Variants in GLIS3 observed in about 807,000 individuals in gnomAD.
GLIS3 encodes the protein GLIS family zinc finger 3, also known as zinc finger protein GLIS3.
A neutral mutation model predicts 78.6 loss-of-function variants in GLIS3; 53 were observed. The observed-to-expected ratio is 0.67, with a 90% CI of 0.54 to 0.85. GLIS3 has a LOEUF of 0.85. Among genes scored for constraint, GLIS3 ranks in the 40% least tolerant of loss-of-function variants. The probability of loss-of-function intolerance (pLI) is 0.00; values close to 1 mark genes in which losing one functional copy is unlikely to be tolerated. For synonymous variants in GLIS3, 684 were observed against 509.9 expected (o/e 1.34, Z -4.60); for missense variants, 1,703 against 1,231.1 (o/e 1.38, Z -5.74).
chr9:4,092,104 A>C (rs1255907377), intron 4 of GLIS3, among the ~76,000 whole-genome samples: 1 of 151,116 alleles, frequency 6.6e-6, no homozygotes, highest in Non-Finnish European at 1.5e-5. Context: ...TCTATTAAAA[A>C]TTTTTCTTTC....
intron 2 of GLIS3, among the ~76,000 whole-genome samples, chr9:4,218,082 T>C (rs887746540): frequency 6.6e-6 from 1 of 152,138 alleles, no homozygotes; most frequent in African/African-American, 2.4e-5. Context: ...ACAAACCCAA[T>C]CCTGTTCCTC....
the GLIS3 span, among the ~76,000 whole-genome samples, chr9:4,421,925 G>A: frequency 6.2e-4 from 95 of 152,264 alleles, no homozygotes; most frequent in African/African-American, 2.2e-3. Flanking sequence ...ACAATCAGAT[G>A]TTTATTTTCA....
chr9:4,245,724 A>G (rs756902569), intron 2 of GLIS3, among the ~76,000 whole-genome samples: 1 of 152,208 alleles, frequency 6.6e-6, no homozygotes, highest in Non-Finnish European at 1.5e-5. Context: ...ATCATTACAC[A>G]TTATATACAG....
chr9:4,057,709 G>GAA (rs35253627), intron 4 of GLIS3, among the ~76,000 whole-genome samples: 8 of 151,158 alleles, frequency 5.3e-5, no homozygotes, highest in East Asian at 1.9e-4. Flanking sequence ...ATGCAGCTAG[G>GAA]AAAAAAAAAT....
At chr9:3,837,733 TAG>T (rs1352389843) in intron 9 of GLIS3, among the ~76,000 whole-genome samples, 1 of 152,178 alleles carries the variant, frequency 6.6e-6, no homozygotes, top group Non-Finnish European at 1.5e-5. Context: ...GGCAAAATTA[TAG>T]AGACAGTATA....
At chr9:4,272,240 G>C (rs921158665) in intron 2 of GLIS3, among the ~76,000 whole-genome samples, 1 of 152,122 alleles carries the variant, frequency 6.6e-6, no homozygotes, top group African/African-American at 2.4e-5. Context: ...CAATTTAGTT[G>C]GCAGTGGTTT....
At position 4,062,320 on chromosome 9, in the gene GLIS3, T is replaced by C. The variant is rs565513610; in HGVS notation, c.1710+55448A>G. Among the ~76,000 whole-genome samples, 5 of 152,248 alleles carry C rather than the reference T, an allele frequency of 3.3e-5. No individual in the cohort carries two copies. In the South Asian group the frequency reaches 1.0e-3, roughly 32 times the overall value. ...GACTGTCAGTTTCCCATATTGAAAATACTGGTGGGATTGGGAGAGAGGTGG... is the reference window on the plus strand; with the variant it reads ...GACTGTCAGTTTCCCATATTGAAAACACTGGTGGGATTGGGAGAGAGGTGG... On this transcript the variant is annotated intron_variant, in intron 4 of 10. Transcript: ENST00000381971.
intron 9 of GLIS3, among the ~76,000 whole-genome samples, chr9:3,850,458 C>T (rs1481663576): frequency 7.9e-5 from 12 of 152,228 alleles, no homozygotes; most frequent in Non-Finnish European, 7.3e-5. Context: ...TGTGAACAAA[C>T]ACAATTGCAC....
At chr9:3,939,813 C>T (rs925216867) in intron 4 of GLIS3, among the ~76,000 whole-genome samples, 2 of 152,054 alleles carry the variant, frequency 1.3e-5, no homozygotes, top group Non-Finnish European at 2.9e-5. Context: ...TAACATACAC[C>T]CCCAACTCAC....
the GLIS3 span, among the ~76,000 whole-genome samples, chr9:4,394,619 A>G: frequency 3.3e-5 from 5 of 152,202 alleles, no homozygotes; most frequent in Admixed American, 1.3e-4. Flanking sequence ...ATACCCATTC[A>G]AAAGGTCAGC....
At chr9:4,108,288 C>T (rs1343151242) in intron 4 of GLIS3, among the ~76,000 whole-genome samples, 6 of 152,130 alleles carry the variant, frequency 3.9e-5, no homozygotes, top group African/African-American at 1.2e-4. Context: ...CTTTTCTCAG[C>T]TGTTCACCAT....
the GLIS3 span, among the ~76,000 whole-genome samples, chr9:4,400,144 T>G: frequency 3.3e-5 from 5 of 152,140 alleles, no homozygotes; most frequent in South Asian, 1.0e-3. Context: ...ACATGTGTAT[T>G]TGAGAAAGAT....
chr9:4,221,637 T>G (rs940526068), intron 2 of GLIS3, among the ~76,000 whole-genome samples: 3 of 152,272 alleles, frequency 2.0e-5, no homozygotes, highest in Admixed American at 6.5e-5. Context: ...GAACTACCAG[T>G]GTATGGAATG....
At chr9:4,355,938 T>G in the GLIS3 span, among the ~76,000 whole-genome samples, 1 of 152,348 alleles carries the variant, frequency 6.6e-6, no homozygotes, top group Admixed American at 6.5e-5. Context: ...TATGGTTACA[T>G]AGACATACAT....
At chr9:4,332,195 AC>A (rs1817697099) in intron 2 of GLIS3, among the ~76,000 whole-genome samples, 1 of 152,184 alleles carries the variant, frequency 6.6e-6, no homozygotes, top group Non-Finnish European at 1.5e-5. Flanking sequence ...AGAAGAAAAT[AC>A]CCCAATCCAA....
chr9:4,360,100 TTGC>T, the GLIS3 span, among the ~76,000 whole-genome samples: 1 of 152,126 alleles, frequency 6.6e-6, no homozygotes, highest in Non-Finnish European at 1.5e-5. Context: ...TCATTTCCCT[TTGC>T]TGTTTTTACT....
chr9:4,123,928 T>C (rs1318103045), intron 3 of GLIS3: 2 of 394,374 alleles, frequency 5.1e-6, no homozygotes, highest in African/African-American at 4.1e-5. Flanking sequence ...AACTGGACAG[T>C]TCATGCCCCC....
At chr9:4,484,033 T>C in the GLIS3 span, among the ~76,000 whole-genome samples, 227 of 151,920 alleles carry the variant, frequency 1.5e-3, no homozygotes, top group Non-Finnish European at 2.7e-3. Flanking sequence ...TTTGCTTTTG[T>C]TGTTGTTGTT....
At chr9:4,408,583 CG>C in the GLIS3 span, among the ~76,000 whole-genome samples, 1 of 150,158 alleles carries the variant, frequency 6.7e-6, no homozygotes, top group African/African-American at 2.5e-5. Context: ...AAAAATTAGC[CG>C]GGCGCGGTGG....
Sources: gnomAD v4.1 joint callset for allele counts (sites outside exome capture counted in the v4.1 genomes callset) on GRCh38, gnomAD v4.1.1 for gene constraint, MANE v1.5 for transcripts, NCBI Gene and HGNC (gene_info 2026-07-23, HGNC 2026-07-21) for gene names.